ZFAND3: variants seen among roughly 807,000 people sequenced by gnomAD.
ZFAND3 encodes the protein AN1-type zinc finger protein 3.
Under a neutral mutation model 29.6 loss-of-function variants are expected in ZFAND3, and 10 were observed. The observed-to-expected ratio is 0.34, with a 90% CI of 0.21 to 0.57. ZFAND3 has a LOEUF of 0.57. Ranked by LOEUF, ZFAND3 falls within the 20% of genes least tolerant of loss-of-function variation. The pLI, the probability that ZFAND3 is intolerant of heterozygous loss-of-function variation, is 0.86. For synonymous variants in ZFAND3, 128 were observed against 112.6 expected (o/e 1.14, Z -0.87); for missense variants, 230 against 304.5 (o/e 0.76, Z 1.82).
At chr6:37,833,718 C>G (rs145989276) in intron 1 of ZFAND3, among the ~76,000 whole-genome samples, 1 of 149,974 alleles carries the variant, frequency 6.7e-6, no homozygotes, top group Non-Finnish European at 1.5e-5. Context: ...CCCAGCTACC[C>G]GGGAGGCTGA....
intron 1 of ZFAND3, among the ~76,000 whole-genome samples, chr6:37,898,547 G>A (rs1765260862): frequency 6.6e-6 from 1 of 152,132 alleles, no homozygotes; most frequent in African/African-American, 2.4e-5. Flanking sequence ...AAAAAGAAAT[G>A]CTGTGGTTTT....
intron 2 of ZFAND3, among the ~76,000 whole-genome samples, chr6:38,060,815 A>G (rs1179866501): frequency 6.6e-6 from 1 of 151,928 alleles, no homozygotes; most frequent in African/African-American, 2.4e-5. Context: ...TACTTGGGAG[A>G]TTGGCTACAG....
rs770271616 is a variant in ZFAND3, at chr6:37,914,533, T to C, written c.72-15426T>C. 1.4e-3 allele frequency among the ~76,000 whole-genome samples: 210 copies of C among 152,154 alleles called. 5 individuals carry two copies. The highest frequency in any genetic ancestry group is 4.3e-4 in the Non-Finnish European group (29 of 67,976). On this transcript the variant is annotated intron_variant, in intron 1 of 5. Transcript: ENST00000287218. ...TTTGTATTTTTAGTAGAGATGGGGTTTTGCCATGTTGGCCAGGCTGGTCTT... is the reference window on the plus strand; with the variant it reads ...TTTGTATTTTTAGTAGAGATGGGGTCTTGCCATGTTGGCCAGGCTGGTCTT...
intron 3 of ZFAND3, among the ~76,000 whole-genome samples, chr6:38,078,159 T>G (rs945450305): frequency 6.6e-6 from 1 of 152,228 alleles, no homozygotes; most frequent in Admixed American, 6.5e-5. Flanking sequence ...AATTTCTACT[T>G]GTTGGGAATA....
intron 4 of ZFAND3, among the ~76,000 whole-genome samples, chr6:38,103,411 ACG>A: frequency 6.7e-6 from 1 of 149,344 alleles, no homozygotes; most frequent in Non-Finnish European, 1.5e-5. Flanking sequence ...ATACACACAC[ACG>A]TATATACACA....
rs185363729 is a variant in ZFAND3 at position 37,911,327 on chromosome 6, A to G, written c.72-18632A>G. On this transcript the variant is annotated intron_variant, in intron 1 of 5. Coordinates refer to ENST00000287218, the MANE Select transcript of ZFAND3 (RefSeq NM_021943.3). ...ATACTTTTTTGTGTACCTGTTAGCT[A>G]TTTGTATGTCGTCTTTTGGGAAATG... Among the ~76,000 whole-genome samples, 608 of 152,150 alleles carry G rather than the reference A, an allele frequency of 4.0e-3. 4 individuals are homozygous for G. The highest frequency in any genetic ancestry group is 0.013 in the African/African-American group (545 of 41,500).
Position 38,142,322 on chromosome 6 carries a change from C to T in ZFAND3, c.530-9913C>T, listed in dbSNP as rs758733472. ...GATGCCCCCTGACCACGTTGCCACT[C>T]GGACATTCTGTGACTTGGATGAACT... is the stretch of plus-strand genomic sequence containing the variant. On this transcript the variant is annotated intron_variant, in intron 5 of 5. Coordinates refer to ENST00000287218, the MANE Select transcript of ZFAND3 (RefSeq NM_021943.3). 6.2e-5 allele frequency: 29 copies of T among 471,358 alleles called. 1 individual carries two copies. Among genetic ancestry groups the T allele is most frequent in the South Asian group, 2.8e-4 (18 of 64,576 alleles). The allele number at this position is 471,358 out of a possible 1,614,324, so 29.2% of individuals were successfully genotyped here.
intron 2 of ZFAND3, among the ~76,000 whole-genome samples, chr6:38,040,936 A>G (rs952582269): frequency 3.3e-5 from 5 of 152,228 alleles, no homozygotes; most frequent in Non-Finnish European, 7.3e-5. Flanking sequence ...TCCTTTTTAA[A>G]GATAACTATT....
chr6:37,976,830 C>G (rs1444117197), intron 2 of ZFAND3, among the ~76,000 whole-genome samples: 1 of 152,052 alleles, frequency 6.6e-6, no homozygotes, highest in African/African-American at 2.4e-5. Context: ...ATGGGGGAAA[C>G]CACCCCCATG....
At chr6:38,151,514 G>A (rs1010553764) in intron 5 of ZFAND3, among the ~76,000 whole-genome samples, 1 of 151,418 alleles carries the variant, frequency 6.6e-6, no homozygotes, top group Non-Finnish European at 1.5e-5. Flanking sequence ...GGGTCCGAGT[G>A]TGGGCATCTC....
chr6:38,139,514 C>T (rs1362377454), intron 5 of ZFAND3, among the ~76,000 whole-genome samples: 2 of 152,138 alleles, frequency 1.3e-5, no homozygotes, highest in African/African-American at 4.8e-5. Context: ...CTGAGGAAGT[C>T]ATTGAAGCTA....
intron 2 of ZFAND3, among the ~76,000 whole-genome samples, chr6:38,013,713 A>C (rs1273546207): frequency 2.0e-5 from 3 of 151,644 alleles, no homozygotes; most frequent in Admixed American, 2.0e-4. Context: ...CCACACATTT[A>C]AAAACTGGAG....
chr6:37,998,172 A>G (rs185775717), intron 2 of ZFAND3, among the ~76,000 whole-genome samples: 25 of 152,362 alleles, frequency 1.6e-4, no homozygotes, highest in African/African-American at 5.8e-4. Flanking sequence ...TGAATCTTAA[A>G]TGCAAATTAC....
intron 1 of ZFAND3, among the ~76,000 whole-genome samples, chr6:37,886,044 C>T (rs1314662908): frequency 2.6e-5 from 4 of 151,832 alleles, no homozygotes; most frequent in Admixed American, 6.6e-5. Flanking sequence ...TCGAGACCAG[C>T]CTGGCCAAAA....
intron 2 of ZFAND3, among the ~76,000 whole-genome samples, chr6:37,965,181 A>G (rs1172777973): frequency 6.6e-6 from 1 of 152,210 alleles, no homozygotes; most frequent in African/African-American, 2.4e-5. Flanking sequence ...TATATTCAGC[A>G]AACTTATTCT....
chr6:37,909,296 T>A (rs1351402976), intron 1 of ZFAND3, among the ~76,000 whole-genome samples: 15 of 151,608 alleles, frequency 9.9e-5, no homozygotes, highest in Admixed American at 9.8e-4. Context: ...TTTTTCTTTT[T>A]TGAGACGGAG....
intron 2 of ZFAND3, among the ~76,000 whole-genome samples, chr6:38,053,297 T>A (rs1764065323): frequency 9.6e-6 from 1 of 104,260 alleles, no homozygotes; most frequent in Non-Finnish European, 1.9e-5. Flanking sequence ...GAATTTGTTT[T>A]CTTACAATTT....
chr6:37,878,440 A>G (rs1015166218), intron 1 of ZFAND3, among the ~76,000 whole-genome samples: 10 of 151,840 alleles, frequency 6.6e-5, no homozygotes, highest in African/African-American at 2.2e-4. Flanking sequence ...TAGCTCTGAG[A>G]GGTGAGGCAG....
chr6:37,937,038 T>G (rs75138727), intron 2 of ZFAND3, among the ~76,000 whole-genome samples: 2,018 of 152,322 alleles, frequency 0.013, 24 homozygotes, highest in Middle Eastern at 0.034. Flanking sequence ...CCTTATGAAC[T>G]TGCAACTTAG....
Sources: gnomAD v4.1 joint callset for allele counts (sites outside exome capture counted in the v4.1 genomes callset) on GRCh38, gnomAD v4.1.1 for gene constraint, MANE v1.5 for transcripts, NCBI Gene and HGNC (gene_info 2026-07-23, HGNC 2026-07-21) for gene names.